The following PACRG variants were observed in gnomAD, a reference collection of about 807,000 sequenced individuals.
PACRG encodes parkin coregulated gene protein.
Under a neutral mutation model 29.7 loss-of-function variants are expected in PACRG, and 29 were observed. That is an observed-to-expected ratio of 0.98 (90% CI 0.73 to 1.33). The LOEUF is 1.33. Ranked by LOEUF, PACRG falls within the 40% of genes most tolerant of loss-of-function variation. The probability of loss-of-function intolerance (pLI) is 0.00; values close to 1 mark genes in which losing one functional copy is unlikely to be tolerated. For synonymous variants in PACRG, 116 were observed against 118.7 expected, an observed-to-expected ratio of 0.98 and a Z score of 0.15; for missense variants, 279 against 316.2, an observed-to-expected ratio of 0.88 and a Z score of 0.89.
intron 2 of PACRG, among the ~76,000 whole-genome samples, chr6:162,883,944 G>A (rs1189617487): frequency 6.6e-6 from 1 of 152,034 alleles, no homozygotes; most frequent in African/African-American, 2.4e-5. Context: ...CTTTTGTTTT[G>A]TTTCGTTATT....
At chr6:163,025,744 A>T (rs1338035399) in intron 2 of PACRG, among the ~76,000 whole-genome samples, 1 of 152,250 alleles carries the variant, frequency 6.6e-6, no homozygotes, top group Non-Finnish European at 1.5e-5. Context: ...TGTGGTTCCC[A>T]ACAGGATTCT....
chr6:162,776,992 G>A (rs1209587329), intron 1 of PACRG, among the ~76,000 whole-genome samples: 2 of 152,140 alleles, frequency 1.3e-5, no homozygotes, highest in East Asian at 3.9e-4. Flanking sequence ...ACACTGCTCA[G>A]GTGCTGGGTG....
intron 4 of PACRG, among the ~76,000 whole-genome samples, chr6:163,153,893 T>G (rs1225794199): frequency 6.6e-6 from 1 of 152,146 alleles, no homozygotes; most frequent in Non-Finnish European, 1.5e-5. Context: ...TGCTGCAATG[T>G]AAGGCTCTGT....
At chr6:162,801,264 A>G (rs1346986815) in intron 1 of PACRG, among the ~76,000 whole-genome samples, 1 of 152,108 alleles carries the variant, frequency 6.6e-6, no homozygotes, top group African/African-American at 2.4e-5. Context: ...GTGTACCACC[A>G]TGCCCGGCTA....
intron 4 of PACRG, among the ~76,000 whole-genome samples, chr6:163,253,218 T>G (rs1179576200): frequency 6.6e-6 from 1 of 150,510 alleles, no homozygotes; most frequent in Non-Finnish European, 1.5e-5. Flanking sequence ...GAGAATCATT[T>G]GAACCCAGGA....
chr6:162,887,791 A>G (rs1794459744), intron 2 of PACRG, among the ~76,000 whole-genome samples: 1 of 149,864 alleles, frequency 6.7e-6, no homozygotes, highest in African/African-American at 2.4e-5. Context: ...CCCAGTCCCA[A>G]AGGCTGGGCA....
chr6:163,246,436 G>A (rs982217962), intron 4 of PACRG, among the ~76,000 whole-genome samples: 1 of 152,066 alleles, frequency 6.6e-6, no homozygotes, highest in African/African-American at 2.4e-5. Flanking sequence ...GGCTTTCTAA[G>A]TGATCCAGAC....
chr6:163,220,107 C>T (rs1781520381), intron 4 of PACRG, among the ~76,000 whole-genome samples: 1 of 152,322 alleles, frequency 6.6e-6, no homozygotes, highest in East Asian at 1.9e-4. Flanking sequence ...TTTTCACCAC[C>T]ACCTGCCCAG....
intron 1 of PACRG, among the ~76,000 whole-genome samples, chr6:162,785,664 A>G (rs1266676727): frequency 6.6e-6 from 1 of 152,218 alleles, no homozygotes; most frequent in African/African-American, 2.4e-5. Context: ...TCATAAGAGC[A>G]TGCAAGCTAG....
At chr6:162,934,560 A>G (rs753388510) in intron 2 of PACRG, among the ~76,000 whole-genome samples, 41 of 152,152 alleles carry the variant, frequency 2.7e-4, no homozygotes, top group Non-Finnish European at 5.3e-4. Flanking sequence ...TAGCCAGTCT[A>G]TATCTTTTAG....
intron 4 of PACRG, among the ~76,000 whole-genome samples, chr6:163,246,041 T>C (rs1782684953): frequency 6.6e-6 from 1 of 152,214 alleles, no homozygotes; most frequent in Non-Finnish European, 1.5e-5. Context: ...AAAAAGTCCC[T>C]CTGCTTCCGG....
chr6:163,022,214 TA>T (rs1460510019), intron 2 of PACRG, among the ~76,000 whole-genome samples: 5 of 152,222 alleles, frequency 3.3e-5, no homozygotes, highest in African/African-American at 1.2e-4. Context: ...ATGTGCTCAA[TA>T]ATATACAGTA....
chr6:162,868,179 T>C (rs918240568), intron 2 of PACRG, among the ~76,000 whole-genome samples: 1 of 152,150 alleles, frequency 6.6e-6, no homozygotes, highest in Admixed American at 6.5e-5. Context: ...GTGACTAGGA[T>C]AGGATACACG....
chr6:163,160,522 T>C (rs1778513575), intron 4 of PACRG, among the ~76,000 whole-genome samples: 1 of 152,222 alleles, frequency 6.6e-6, no homozygotes, highest in South Asian at 2.1e-4. Flanking sequence ...TTTCTTTCTT[T>C]TCATGTACTG....
At chr6:163,112,275 G>A (rs1006633636) in intron 4 of PACRG, among the ~76,000 whole-genome samples, 2 of 152,196 alleles carry the variant, frequency 1.3e-5, no homozygotes, top group Admixed American at 1.3e-4. Flanking sequence ...TAAGCTGGTA[G>A]CAAAGTGGCA....
chr6:162,891,846 C>CTGG (rs1794785646), intron 2 of PACRG, among the ~76,000 whole-genome samples: 1 of 152,194 alleles, frequency 6.6e-6, no homozygotes, highest in Non-Finnish European at 1.5e-5. Flanking sequence ...GCACTGGCCA[C>CTGG]ATAACCACCA....
At chr6:163,255,927 T>C (rs1047719410) in intron 4 of PACRG, among the ~76,000 whole-genome samples, 3 of 152,200 alleles carry the variant, frequency 2.0e-5, no homozygotes, top group Non-Finnish European at 4.4e-5. Context: ...TGAGCCACCA[T>C]GTCCAGCCCC....
chr6:163,304,792 G>A (rs1161128273), intron 4 of PACRG, among the ~76,000 whole-genome samples: 1 of 152,208 alleles, frequency 6.6e-6, no homozygotes. Context: ...CTGTGGAGGA[G>A]AATGCAAGTG....
At chr6:163,259,466 T>C (rs1002835057) in intron 4 of PACRG, among the ~76,000 whole-genome samples, 1 of 152,188 alleles carries the variant, frequency 6.6e-6, no homozygotes, top group African/African-American at 2.4e-5. Flanking sequence ...CTTCAGCCAC[T>C]GAACCATACT....
Sources: allele counts gnomAD v4.1 joint callset (sites outside exome capture counted in the v4.1 genomes callset), GRCh38; gene constraint gnomAD v4.1.1; transcripts MANE v1.5; gene names NCBI Gene and HGNC (gene_info 2026-07-23, HGNC 2026-07-21).